The following NRXN2 variants were observed in gnomAD, a reference collection of about 807,000 sequenced individuals.
The protein encoded by NRXN2 is neurexin 2.
Under a neutral mutation model 128.8 loss-of-function variants are expected in NRXN2, and 29 were observed. That is an observed-to-expected ratio of 0.23 (90% CI 0.17 to 0.31). NRXN2 has a LOEUF of 0.31. NRXN2 is among the 10% of genes least tolerant of loss of function. The pLI, the probability that NRXN2 is intolerant of heterozygous loss-of-function variation, is 1.00. For missense variants in NRXN2, 1,881 were observed against 2,452.6 expected, an observed-to-expected ratio of 0.77 and a Z score of 4.92; for synonymous variants, 1,098 against 1,075.2, an observed-to-expected ratio of 1.02 and a Z score of -0.41.
chr11:64,655,559 AG>A, intron 11 of NRXN2, among the ~76,000 whole-genome samples: 1 of 152,208 alleles, frequency 6.6e-6, no homozygotes, highest in East Asian at 1.9e-4. Flanking sequence ...AAAAGAAAAA[AG>A]GGGAGGCTGG....
chr11:64,690,119 T>C (rs2135579818), intron 5 of NRXN2, among the ~76,000 whole-genome samples: 1 of 152,316 alleles, frequency 6.6e-6, no homozygotes, highest in African/African-American at 2.4e-5. Flanking sequence ...AGATACTTCC[T>C]AGGGATCAGC....
At chr11:64,704,639 G>C (rs867657053) in intron 2 of NRXN2, among the ~76,000 whole-genome samples, 12,902 of 144,686 alleles carry the variant, frequency 0.089, 859 homozygotes, top group East Asian at 0.26. Context: ...GAGAGAGAGA[G>C]AGAGAGAGAG....
chr11:64,683,565 A>G (rs1458792434), intron 6 of NRXN2, among the ~76,000 whole-genome samples: 1 of 150,760 alleles, frequency 6.6e-6, no homozygotes, highest in Non-Finnish European at 1.5e-5. Flanking sequence ...GGTTGGAGTG[A>G]GCCGAGATCA....
chr11:64,637,474 C>T (rs2044918427), intron 17 of NRXN2: 1 of 152,378 alleles, frequency 6.6e-6, no homozygotes, highest in African/African-American at 2.4e-5. Flanking sequence ...CTCTCCACTC[C>T]CAGCACTGCA....
intron 2 of NRXN2, among the ~76,000 whole-genome samples, chr11:64,698,512 G>T (rs1413864279): frequency 6.6e-6 from 1 of 152,218 alleles, no homozygotes; most frequent in Non-Finnish European, 1.5e-5. Context: ...GGACTGGATA[G>T]TTTCTGAGGC....
chr11:64,606,992 G>T lies in NRXN2; in HGVS notation c.*204C>A, dbSNP rs1414750930. 4.0e-5 allele frequency: 24 copies of T among 600,154 alleles called. No homozygotes were observed. Among genetic ancestry groups the T allele is most frequent in the Admixed American group, 8.9e-5 (3 of 33,536 alleles). 37.2% of individuals were successfully genotyped at this position (600,154 alleles called of 1,614,324 possible). A position where few individuals can be genotyped will look rare whatever the true frequency, so the allele number is the denominator to read the frequency against. On this transcript the variant is annotated 3_prime_UTR_variant, in exon 23 of 23. Transcript: ENST00000265459. ...AGCTGAGAGGGACAGTCAGCCCCGG[G>T]ACTGACGAGGCCGCGCAGTGGACGG...
At chr11:64,706,207 ACATGTGCAC>A (rs2135646864) in intron 2 of NRXN2, among the ~76,000 whole-genome samples, 1 of 122,174 alleles carries the variant, frequency 8.2e-6, no homozygotes, top group Non-Finnish European at 1.6e-5. Flanking sequence ...GTTTTAGGGT[ACATGTGCAC>A]AATGTGCAGG....
At chr11:64,653,626 C>T in intron 12 of NRXN2, 70 bp downstream of exon 12, 7 of 1,433,664 alleles carry the variant, frequency 4.9e-6, no homozygotes, top group Non-Finnish European at 6.8e-6. Context: ...CCCAGCCTCC[C>T]TCCCTAAATC....
At chr11:64,715,751 C>G (rs553207746) in intron 1 of NRXN2, among the ~76,000 whole-genome samples, 7 of 152,266 alleles carry the variant, frequency 4.6e-5, no homozygotes, top group South Asian at 4.1e-4. Flanking sequence ...TGCCTCTGCC[C>G]GGGCAGTGGG....
chr11:64,698,862 C>T (rs2054895302), intron 2 of NRXN2, among the ~76,000 whole-genome samples: 1 of 152,246 alleles, frequency 6.6e-6, no homozygotes, highest in South Asian at 2.1e-4. Flanking sequence ...CAGCTCCAAA[C>T]ATTTGCCATG....
chr11:64,660,457 T>C lies in NRXN2; in HGVS notation c.2264A>G (p.Asp755Gly), dbSNP rs1322789514. 1.9e-6 allele frequency: 3 copies of C among 1,614,012 alleles called. No individual in the cohort carries two copies. Among genetic ancestry groups the C allele is most frequent in the Non-Finnish European group, 2.5e-6 (3 of 1,180,026 alleles). ...CTGGGACATGAAACGCAGGGACACA[T>C]CCTCTGCCTCCGTGTGCATGGCGTT... ...LPNAMHTEAE[D>G]VSLRFMSQRA... Residue 755 changes from aspartate to glycine, a missense_variant, in exon 11 of 23, where the codon GAT (aspartate) becomes GGT (glycine). Around this residue, in one of 7 missense-constraint regions of NRXN2, gnomAD observed 997 missense variants for 1,240.8 expected, o/e 0.80. Coordinates refer to ENST00000265459, the MANE Select transcript of NRXN2 (RefSeq NM_015080.4). The surrounding 1 kb of genome is among the most constrained non-coding windows in gnomAD (Gnocchi z 5.2).
At chr11:64,664,558 C>A (rs2049520071) in intron 9 of NRXN2, among the ~76,000 whole-genome samples, 1 of 151,022 alleles carries the variant, frequency 6.6e-6, no homozygotes, top group African/African-American at 2.4e-5. Context: ...CCCATGTGAT[C>A]TGCAGGAAAG....
At chr11:64,712,404 C>T (rs951837159) in intron 2 of NRXN2, among the ~76,000 whole-genome samples, 2 of 151,838 alleles carry the variant, frequency 1.3e-5, no homozygotes, top group African/African-American at 2.4e-5. Context: ...CACACAGGCC[C>T]CACTCACAGC....
intron 2 of NRXN2, 143 bp from the exon 3 acceptor site, chr11:64,697,935 G>C (rs2054794046): frequency 2.3e-6 from 2 of 878,722 alleles, no homozygotes; most frequent in Non-Finnish European, 3.7e-6. Context: ...ACCCAATGTG[G>C]AAGGCCCAAA....
chr11:64,710,264 C>T (rs547082263), intron 2 of NRXN2, among the ~76,000 whole-genome samples: 1 of 152,084 alleles, frequency 6.6e-6, no homozygotes, highest in Non-Finnish European at 1.5e-5. Flanking sequence ...CACACACACA[C>T]AATGGGTCAG....
At position 64,643,753 on chromosome 11, in the gene NRXN2, C is replaced by T. The variant is rs2046192293; in HGVS notation, c.3403+4466G>A. 2.0e-5 allele frequency among the ~76,000 whole-genome samples: 3 copies of T among 151,978 alleles called. No individual in the cohort carries two copies. The South Asian group carries it at 6.2e-4, about 32-fold the overall frequency. On this transcript the variant is annotated intron_variant, in intron 17 of 22. Coordinates refer to ENST00000265459, the MANE Select transcript of NRXN2 (RefSeq NM_015080.4). The stretch of plus-strand genomic sequence containing the variant: ...CGCTCTCCTCTCCTCTGCGCGCGCC[C>T]GCCCCTCCCCCGCGCCTGGACGCGC...
intron 1 of NRXN2, among the ~76,000 whole-genome samples, chr11:64,717,830 C>T (rs1191477863): frequency 6.6e-6 from 1 of 152,142 alleles, no homozygotes; most frequent in African/African-American, 2.4e-5. Context: ...GGCCACAGTC[C>T]AGGTAAAGGG....
intron 4 of NRXN2, among the ~76,000 whole-genome samples, 197 bp downstream of exon 4, chr11:64,692,650 G>A (rs1267487744): frequency 6.6e-6 from 1 of 152,096 alleles, no homozygotes; most frequent in African/African-American, 2.4e-5. Context: ...ACAGACAAGG[G>A]CAAGCCCCCA....
rs147345374 is a variant in NRXN2 at position 64,665,561 on chromosome 11, G to A, written c.1798+1689C>T. On this transcript the variant is annotated intron_variant, in intron 9 of 22. Coordinates refer to ENST00000265459, the MANE Select transcript of NRXN2 (RefSeq NM_015080.4). ...CTGGTGCTGTCCTGAGACACACCCC[G>A]GGGATGAAACCATTTAATGTAAAGC... is the stretch of plus-strand genomic sequence containing the variant. 1.2e-4 allele frequency among the ~76,000 whole-genome samples: 18 copies of A among 152,318 alleles called. No homozygotes were observed. The East Asian group carries it at 2.7e-3, about 23-fold the overall frequency.
Sources: allele counts gnomAD v4.1 joint callset (sites outside exome capture counted in the v4.1 genomes callset), GRCh38; gene constraint gnomAD v4.1.1; regional missense constraint gnomAD v4.1.1; non-coding constraint Gnocchi (gnomAD v3.1); transcripts MANE v1.5; gene names NCBI Gene and HGNC (gene_info 2026-07-23, HGNC 2026-07-21).